ADARB2: variants seen among roughly 807,000 people sequenced by gnomAD.
The protein encoded by ADARB2 is inactive double-stranded RNA-specific editase B2.
A neutral mutation model predicts 62.2 loss-of-function variants in ADARB2; 25 were observed. That is an observed-to-expected ratio of 0.40 (90% CI 0.29 to 0.56). The LOEUF is 0.56. Among genes scored for constraint, ADARB2 ranks in the 20% least tolerant of loss-of-function variants. The pLI is 0.43. For missense variants in ADARB2, 1,071 were observed against 1,077.4 expected (o/e 0.99, Z 0.08); for synonymous variants, 572 against 500.8 (o/e 1.14, Z -1.90).
chr10:1,412,991 C>T lies in ADARB2; in HGVS notation c.101-33831G>A, dbSNP rs754958020. Among the ~76,000 whole-genome samples, 11 of 152,066 alleles carry T rather than the reference C, an allele frequency of 7.2e-5. 1 individual carries two copies. Among genetic ancestry groups the T allele is most frequent in the South Asian group, 2.1e-4 (1 of 4,822 alleles). On this transcript the variant is annotated intron_variant, in intron 1 of 9. Transcript: ENST00000381312. ...GTCTTGCCCACTGCCTCAGGGCTGG[C>T]GGGAGGGTGGATGGGCCCTCGGGCT...
intron 1 of ADARB2, among the ~76,000 whole-genome samples, chr10:1,609,221 G>A (rs77146289): frequency 0.037 from 5,637 of 152,244 alleles, 159 homozygotes; most frequent in Non-Finnish European, 0.052. Context: ...TCACACGTCC[G>A]GGTTTAATAG....
At chr10:1,571,740 GGA>G (rs1488603005) in intron 1 of ADARB2, among the ~76,000 whole-genome samples, 7 of 123,322 alleles carry the variant, frequency 5.7e-5, no homozygotes, top group Non-Finnish European at 1.0e-4. Flanking sequence ...GCAGGTGAAT[GGA>G]CAGGTGAGTG....
intron 4 of ADARB2, among the ~76,000 whole-genome samples, chr10:1,257,526 C>T (rs184815429): frequency 1.9e-3 from 297 of 152,312 alleles, no homozygotes; most frequent in African/African-American, 6.6e-3. Context: ...ATGCACACCT[C>T]TTCCTGTCAT....
chr10:1,597,466 C>A (rs773401883), intron 1 of ADARB2, among the ~76,000 whole-genome samples: 4 of 152,110 alleles, frequency 2.6e-5, no homozygotes. Context: ...AGGACATGAG[C>A]AGACATTTTC....
In ADARB2 at chr10:1,223,186, T is replaced by A. The variant is rs542284222; in HGVS notation, c.1514-6067A>T. Reference sequence around the variant, plus strand: ...TTATTCTCTTTGAAGCAATTGTGAATGGGAGTTCACTCATGATTTGGCTCT... The same window carrying A: ...TTATTCTCTTTGAAGCAATTGTGAAAGGGAGTTCACTCATGATTTGGCTCT... On this transcript the variant is annotated intron_variant, in intron 6 of 9. Transcript: ENST00000381312. Among the ~76,000 whole-genome samples the A allele has an allele frequency of 5.9e-5, 9 of 152,276 alleles. No homozygotes were observed. The East Asian group carries it at 1.5e-3, about 26-fold the overall frequency.
intron 1 of ADARB2, among the ~76,000 whole-genome samples, chr10:1,494,388 G>A (rs776313460): frequency 5.9e-5 from 9 of 152,086 alleles, no homozygotes; most frequent in Admixed American, 1.3e-4. Flanking sequence ...TGCATAGATG[G>A]TAAATGGAAA....
intron 1 of ADARB2, among the ~76,000 whole-genome samples, chr10:1,614,917 A>T (rs1050587088): frequency 1.3e-5 from 2 of 151,614 alleles, no homozygotes; most frequent in Admixed American, 6.6e-5. Flanking sequence ...ACTCAAAAAA[A>T]AATAATAAAA....
chr10:1,731,730 C>G (rs77541042), intron 1 of ADARB2, among the ~76,000 whole-genome samples: 181 of 152,310 alleles, frequency 1.2e-3, no homozygotes, highest in Non-Finnish European at 2.0e-3. Flanking sequence ...ATCAGGTTCT[C>G]GGCCACACAC....
chr10:1,715,642 T>A (rs946345205), intron 1 of ADARB2, among the ~76,000 whole-genome samples: 1 of 152,166 alleles, frequency 6.6e-6, no homozygotes, highest in African/African-American at 2.4e-5. Context: ...GAAAATCATA[T>A]GCTAGTTCTT....
chr10:1,696,669 G>T (rs146794489), intron 1 of ADARB2, among the ~76,000 whole-genome samples: 25 of 152,326 alleles, frequency 1.6e-4, no homozygotes, highest in African/African-American at 5.3e-4. Flanking sequence ...GCTGAGAGAT[G>T]AATGCTTCTC....
chr10:1,434,461 G>A (rs984278020), intron 1 of ADARB2, among the ~76,000 whole-genome samples: 3 of 152,160 alleles, frequency 2.0e-5, no homozygotes, highest in African/African-American at 7.2e-5. Flanking sequence ...TTGACTGGGT[G>A]GTGAAGTTGA....
chr10:1,690,919 G>C (rs935381153), intron 1 of ADARB2, among the ~76,000 whole-genome samples: 7 of 152,088 alleles, frequency 4.6e-5, no homozygotes, highest in Non-Finnish European at 1.0e-4. Context: ...CCCTGTGCCC[G>C]GCAGTCTGAT....
intron 1 of ADARB2, among the ~76,000 whole-genome samples, chr10:1,638,986 C>A (rs193187606): frequency 3.2e-3 from 480 of 152,308 alleles, no homozygotes; most frequent in South Asian, 8.9e-3. Context: ...GGGAAGAAGC[C>A]GTCTTGGCGA....
At chr10:1,202,244 TTG>T (rs951251819) in intron 7 of ADARB2, among the ~76,000 whole-genome samples, 3 of 151,776 alleles carry the variant, frequency 2.0e-5, no homozygotes, top group African/African-American at 7.3e-5. Context: ...CACCTGGTCT[TTG>T]TGTGTGTGTG....
chr10:1,263,344 C>G (rs1240021530), intron 4 of ADARB2, among the ~76,000 whole-genome samples: 2 of 152,090 alleles, frequency 1.3e-5, no homozygotes, highest in Non-Finnish European at 2.9e-5. Context: ...TTTACACACC[C>G]CAAACATTGC....
In ADARB2 at chr10:1,255,568, A is replaced by T. The variant is rs1354886661; in HGVS notation, c.1193-13269T>A. Among the ~76,000 whole-genome samples, 1 of 152,230 alleles carries T rather than the reference A, an allele frequency of 6.6e-6. No individual in the cohort carries two copies. The highest frequency in any genetic ancestry group is 2.4e-5 in the African/African-American group (1 of 41,454). On this transcript the variant is annotated intron_variant, in intron 4 of 9. Transcript: ENST00000381312. This position sits in a 1 kb window ranked among gnomAD's most constrained non-coding sequence, Gnocchi z 4.7. ...AAAGAGGGTCAGGCCATGGACAGGGATGTGACCAGATGTCAGCTGGTCAAC... is the reference window on the plus strand; with the variant it reads ...AAAGAGGGTCAGGCCATGGACAGGGTTGTGACCAGATGTCAGCTGGTCAAC...
chr10:1,307,784 C>T (rs1312531268), intron 3 of ADARB2, among the ~76,000 whole-genome samples: 4 of 100,340 alleles, frequency 4.0e-5, no homozygotes, highest in African/African-American at 1.4e-4. Flanking sequence ...TTTGTAGGGA[C>T]ATGGATGAAA....
chr10:1,677,072 A>G (rs1834475585), intron 1 of ADARB2, among the ~76,000 whole-genome samples: 1 of 152,266 alleles, frequency 6.6e-6, no homozygotes, highest in Non-Finnish European at 1.5e-5. Context: ...ACTAAGGAGC[A>G]AGGCTCAGGG....
At chr10:1,347,349 G>C (rs748367075) in intron 3 of ADARB2, among the ~76,000 whole-genome samples, 9 of 152,232 alleles carry the variant, frequency 5.9e-5, no homozygotes, top group Non-Finnish European at 8.8e-5. Flanking sequence ...CTCTGAGCAT[G>C]GTTCATGCAT....
Sources: allele counts gnomAD v4.1 joint callset (sites outside exome capture counted in the v4.1 genomes callset), GRCh38; gene constraint gnomAD v4.1.1; non-coding constraint Gnocchi (gnomAD v3.1); transcripts MANE v1.5; gene names NCBI Gene and HGNC (gene_info 2026-07-23, HGNC 2026-07-21).